The following PALD1 variants were observed in gnomAD, a reference collection of about 807,000 sequenced individuals.
PALD1 encodes the protein paladin.
Under a neutral mutation model 96.0 loss-of-function variants are expected in PALD1, and 57 were observed. The ratio of observed to expected loss-of-function variants is 0.59; its 90% CI spans 0.48 to 0.74. The LOEUF (loss-of-function observed/expected upper bound fraction) is 0.74. Ranked by LOEUF, PALD1 falls within the 30% of genes least tolerant of loss-of-function variation. PALD1 has a pLI of 0.00. For synonymous variants in PALD1, 464 were observed against 473.6 expected (o/e 0.98, Z 0.26); for missense variants, 1,063 against 1,143.7 (o/e 0.93, Z 1.02).
intron 1 of PALD1, among the ~76,000 whole-genome samples, chr10:70,490,286 A>G (rs377232888): frequency 2.0e-5 from 3 of 152,004 alleles, no homozygotes; most frequent in African/African-American, 4.8e-5. Flanking sequence ...CAGTGGTGCA[A>G]TCACGGCTCA....
the PALD1 span, among the ~76,000 whole-genome samples, chr10:70,471,139 A>G: frequency 1.3e-5 from 2 of 152,080 alleles, no homozygotes; most frequent in African/African-American, 2.4e-5. Context: ...TTGTATTTTT[A>G]GTAGAGACGA....
chr10:70,549,738 A>G (rs1264749603), intron 18 of PALD1, among the ~76,000 whole-genome samples: 1 of 152,218 alleles, frequency 6.6e-6, no homozygotes, highest in Non-Finnish European at 1.5e-5. Flanking sequence ...CTCCCTGGAC[A>G]TTGGAGAGGG....
chr10:70,562,956 A>G (rs930028967), intron 18 of PALD1, among the ~76,000 whole-genome samples: 1 of 152,102 alleles, frequency 6.6e-6, no homozygotes, highest in Non-Finnish European at 1.5e-5. Context: ...CAAATCTCCC[A>G]TACATCTTCT....
At chr10:70,510,218 TC>T (rs1846484650) in intron 1 of PALD1, among the ~76,000 whole-genome samples, 1 of 152,076 alleles carries the variant, frequency 6.6e-6, no homozygotes, top group Non-Finnish European at 1.5e-5. Context: ...GTCATGGTTC[TC>T]CCCAGCTCCT....
At chr10:70,534,637 C>G (rs1311334895) in intron 9 of PALD1, 102 bp from the exon 10 acceptor site, 1 of 1,171,020 alleles carries the variant, frequency 8.5e-7, no homozygotes, top group Non-Finnish European at 1.3e-6. Flanking sequence ...CTCTGCCAAT[C>G]TTTTTCTTTC....
chr10:70,506,929 A>C (rs574477575), intron 1 of PALD1, among the ~76,000 whole-genome samples: 60 of 152,274 alleles, frequency 3.9e-4, no homozygotes, highest in African/African-American at 1.3e-3. Context: ...CCTTCCACCC[A>C]GCATTTTCTT....
intron 1 of PALD1, among the ~76,000 whole-genome samples, chr10:70,483,436 G>A (rs1444428644): frequency 2.6e-5 from 4 of 152,192 alleles, no homozygotes; most frequent in East Asian, 1.9e-4. Context: ...GGAACTGGGT[G>A]TGTCACTGCC....
intron 1 of PALD1, among the ~76,000 whole-genome samples, chr10:70,506,088 A>G (rs1846384067): frequency 2.0e-5 from 3 of 152,166 alleles, no homozygotes; most frequent in Admixed American, 2.0e-4. Flanking sequence ...GCTCTGTGTC[A>G]TTCTTGGGCC....
intron 10 of PALD1, among the ~76,000 whole-genome samples, chr10:70,535,445 T>C (rs907964896): frequency 9.9e-6 from 1 of 100,960 alleles, no homozygotes; most frequent in African/African-American, 3.9e-5. Flanking sequence ...CCCCGCTTCC[T>C]CCTTCCCCCT....
chr10:70,505,450 C>G (rs1251302088), intron 1 of PALD1, among the ~76,000 whole-genome samples: 2 of 151,898 alleles, frequency 1.3e-5, no homozygotes, highest in African/African-American at 4.8e-5. Context: ...AAAAAAAATA[C>G]AAAATTAGCC....
chr10:70,536,673 C>T (rs1251710798), intron 10 of PALD1, among the ~76,000 whole-genome samples: 4 of 152,226 alleles, frequency 2.6e-5, no homozygotes, highest in African/African-American at 9.6e-5. Context: ...TCAGTAGCTG[C>T]AGCAGGGACC....
intron 1 of PALD1, among the ~76,000 whole-genome samples, chr10:70,501,043 G>A (rs1023036258): frequency 1.3e-5 from 2 of 152,138 alleles, no homozygotes; most frequent in South Asian, 2.1e-4. Flanking sequence ...TCTTTCATCC[G>A]GCAAGGTCAC....
intron 1 of PALD1, among the ~76,000 whole-genome samples, chr10:70,516,908 G>C (rs1306049349): frequency 6.6e-6 from 1 of 151,354 alleles, no homozygotes; most frequent in Admixed American, 6.6e-5. Flanking sequence ...TTTGTAGCTA[G>C]TCTTCAGAAT....
the PALD1 span, among the ~76,000 whole-genome samples, chr10:70,461,009 C>T: frequency 6.6e-6 from 1 of 152,242 alleles, no homozygotes; most frequent in African/African-American, 2.4e-5. Flanking sequence ...GAGCTGAGAT[C>T]GTGTCATTGC....
At chr10:70,524,002 G>A (rs150189742) in intron 1 of PALD1, among the ~76,000 whole-genome samples, 1 of 152,260 alleles carries the variant, frequency 6.6e-6, no homozygotes, top group South Asian at 2.1e-4. Context: ...AGACTGACCT[G>A]ACCTCAGCTT....
intron 1 of PALD1, among the ~76,000 whole-genome samples, chr10:70,493,635 G>A (rs950836578): frequency 6.6e-6 from 1 of 152,182 alleles, no homozygotes; most frequent in African/African-American, 2.4e-5. Flanking sequence ...GTTTCAGTTG[G>A]TGGCAACCCC....
At chr10:70,521,839 C>CT (rs142686894) in intron 1 of PALD1, among the ~76,000 whole-genome samples, 7 of 150,824 alleles carry the variant, frequency 4.6e-5, no homozygotes, top group Admixed American at 6.6e-5. Context: ...CTGGTTTCCT[C>CT]TTTTTTTTTG....
chr10:70,531,630 A>G (rs1383972473), intron 5 of PALD1, among the ~76,000 whole-genome samples, 176 bp downstream of exon 5: 1 of 152,116 alleles, frequency 6.6e-6, no homozygotes, highest in Non-Finnish European at 1.5e-5. Context: ...AGGACTTCCT[A>G]TTCTAGCTCT....
chr10:70,488,028 T>C (rs1242910463), intron 1 of PALD1, among the ~76,000 whole-genome samples: 1 of 152,268 alleles, frequency 6.6e-6, no homozygotes, highest in African/African-American at 2.4e-5. Context: ...TTGAGATTCA[T>C]CTCTGTTATT....
Sources: allele counts gnomAD v4.1 joint callset (sites outside exome capture counted in the v4.1 genomes callset), GRCh38; gene constraint gnomAD v4.1.1; transcripts MANE v1.5; gene names NCBI Gene and HGNC (gene_info 2026-07-23, HGNC 2026-07-21).